Variants in KIF6 observed in about 807,000 individuals in gnomAD.
KIF6 encodes the protein kinesin family member 6.
KIF6 carries 106 observed loss-of-function variants against 112.7 expected under a neutral mutation model. That is an observed-to-expected ratio of 0.94 (90% CI 0.80 to 1.11). The LOEUF (loss-of-function observed/expected upper bound fraction) is 1.11. Ranked by LOEUF, KIF6 falls within the 50% of genes least tolerant of loss-of-function variation. The pLI, the probability that KIF6 is intolerant of heterozygous loss-of-function variation, is 0.00. For missense variants in KIF6, 929 were observed against 964.0 expected (o/e 0.96, Z 0.48); for synonymous variants, 339 against 339.9 (o/e 1.00, Z 0.03).
chr6:39,362,645 G>T, intron 16 of KIF6, 127 bp from the exon 17 acceptor site: 5 of 725,362 alleles, frequency 6.9e-6, no homozygotes, highest in South Asian at 1.6e-5. Context: ...TCCTTCTGGG[G>T]CCTCTTGGTG....
chr6:39,527,911 G>A (rs566293065), intron 13 of KIF6, among the ~76,000 whole-genome samples: 5 of 152,294 alleles, frequency 3.3e-5, no homozygotes, highest in African/African-American at 1.2e-4. Context: ...TGAATTCAAT[G>A]TGGAATAATT....
At chr6:39,578,928 CATTA>C (rs1781133714) in intron 9 of KIF6, among the ~76,000 whole-genome samples, 1 of 152,196 alleles carries the variant, frequency 6.6e-6, no homozygotes, top group South Asian at 2.1e-4. Context: ...GGCTCTAGTT[CATTA>C]ATTTTCATGG....
At position 39,336,469 on chromosome 6, in the gene KIF6, C is replaced by T. The variant is rs368284457; in HGVS notation, c.*63G>A. The T allele has an allele frequency of 1.4e-4, 215 of 1,521,348 alleles. 1 individual carries two copies. Among genetic ancestry groups the T allele is most frequent in the African/African-American group, 2.2e-4 (16 of 73,120 alleles). The allele number at this position is 1,521,348 out of a possible 1,614,324, so 94.2% of individuals were successfully genotyped here. On this transcript the variant is annotated 3_prime_UTR_variant, in exon 23 of 23. Coordinates refer to ENST00000287152, the MANE Select transcript of KIF6 (RefSeq NM_145027.6). ...TTCTGAAGCCAGAGCAAGTGAGGGG[C>T]GCTGCCTTCATCTGTGCTTCATTCT...
At chr6:39,399,011 C>A (rs1322158414) in intron 15 of KIF6, among the ~76,000 whole-genome samples, 1 of 152,170 alleles carries the variant, frequency 6.6e-6, no homozygotes, top group Admixed American at 6.6e-5. Flanking sequence ...TGAAGTCCTC[C>A]AGAGCAGAAT....
At chr6:39,382,292 G>C (rs1231234528) in intron 16 of KIF6, among the ~76,000 whole-genome samples, 3 of 152,132 alleles carry the variant, frequency 2.0e-5, no homozygotes, top group Non-Finnish European at 4.4e-5. Flanking sequence ...TAACCAATAG[G>C]AAGTTTCTCA....
chr6:39,648,403 G>A (rs1020917385), intron 3 of KIF6, among the ~76,000 whole-genome samples: 3 of 152,102 alleles, frequency 2.0e-5, no homozygotes, highest in African/African-American at 7.2e-5. Flanking sequence ...AGTTATGTGA[G>A]ACAAGAAATC....
chr6:39,687,026 A>G (rs1485516522), intron 3 of KIF6, among the ~76,000 whole-genome samples: 1 of 152,216 alleles, frequency 6.6e-6, no homozygotes, highest in Non-Finnish European at 1.5e-5. Context: ...CAGCTGCCAA[A>G]TAAGTCATCT....
At chr6:39,534,110 G>T (rs901188650) in intron 13 of KIF6, among the ~76,000 whole-genome samples, 2 of 152,092 alleles carry the variant, frequency 1.3e-5, no homozygotes, top group African/African-American at 4.8e-5. Flanking sequence ...CAAAGATGGG[G>T]AAAAAACAGA....
At position 39,343,616 on chromosome 6, in the gene KIF6, A is replaced by C. The variant is rs1450518766; in HGVS notation, c.2428+93T>G. The C allele has an allele frequency of 5.9e-6, 7 of 1,176,876 alleles. No homozygotes were observed. The highest frequency in any genetic ancestry group is 4.7e-5 in the Admixed American group (2 of 42,530). 72.9% of individuals were successfully genotyped at this position (1,176,876 alleles called of 1,614,324 possible). Reference sequence around the variant, plus strand: ...TCCTGTGGCTTCAGGAATATGCAGGAAACTCCCTACTCCCCTCCCACCTCA... The same window carrying C: ...TCCTGTGGCTTCAGGAATATGCAGGCAACTCCCTACTCCCCTCCCACCTCA... On this transcript the variant is annotated intron_variant, in intron 22 of 22. Transcript: ENST00000287152. The surrounding 1 kb of genome is among the most constrained non-coding windows in gnomAD (Gnocchi z 4.1).
chr6:39,461,940 TAGAG>T (rs1422302900), intron 13 of KIF6, among the ~76,000 whole-genome samples: 1 of 152,170 alleles, frequency 6.6e-6, no homozygotes, highest in Non-Finnish European at 1.5e-5. Context: ...TTGTATGTAA[TAGAG>T]ACTTTTTATT....
At chr6:39,595,080 G>T (rs1001103569) in intron 7 of KIF6, among the ~76,000 whole-genome samples, 1 of 152,104 alleles carries the variant, frequency 6.6e-6, no homozygotes, top group East Asian at 1.9e-4. Flanking sequence ...ATTGTAATCA[G>T]CCTGGGGTAG....
At chr6:39,653,953 C>T (rs1400345198) in intron 3 of KIF6, among the ~76,000 whole-genome samples, 1 of 152,196 alleles carries the variant, frequency 6.6e-6, no homozygotes, top group African/African-American at 2.4e-5. Flanking sequence ...AAAGCAGTTT[C>T]CCGTGTCCTT....
At chr6:39,475,208 G>A (rs1413393078) in intron 13 of KIF6, among the ~76,000 whole-genome samples, 1 of 152,140 alleles carries the variant, frequency 6.6e-6, no homozygotes, top group Non-Finnish European at 1.5e-5. Flanking sequence ...GGGAGTGGGT[G>A]GAGATGGAAA....
chr6:39,567,611 C>CTTTT lies in KIF6; in HGVS notation c.1181+10441_1181+10444dup, dbSNP rs138061257. On this transcript the variant is annotated intron_variant, in intron 10 of 22. Transcript: ENST00000287152. ...CAAATCAATGACACAGAAGTGATTT[C>CTTTT]TTTTTTTTTTTTTTGAGACGGAGTC... Among the ~76,000 whole-genome samples, 3 of 145,014 alleles carry CTTTT rather than the reference C, an allele frequency of 2.1e-5. 1 individual carries two copies. Among genetic ancestry groups the CTTTT allele is most frequent in the Non-Finnish European group, 3.0e-5 (2 of 65,954 alleles).
At chr6:39,448,383 C>T (rs1421762187) in intron 13 of KIF6, among the ~76,000 whole-genome samples, 2 of 152,074 alleles carry the variant, frequency 1.3e-5, no homozygotes, top group Admixed American at 6.5e-5. Flanking sequence ...CGATGTTGGC[C>T]AGGCTGGTCT....
At chr6:39,389,556 CTCTT>C (rs1051803037) in intron 15 of KIF6, among the ~76,000 whole-genome samples, 1 of 152,154 alleles carries the variant, frequency 6.6e-6, no homozygotes, top group Non-Finnish European at 1.5e-5. Context: ...GGCCCGTGTG[CTCTT>C]TCTTTTAAGT....
intron 15 of KIF6, among the ~76,000 whole-genome samples, chr6:39,407,023 T>C (rs1454745329): frequency 1.3e-5 from 2 of 152,196 alleles, no homozygotes; most frequent in African/African-American, 4.8e-5. Context: ...TCCAAAGCAC[T>C]AGGATTACAG....
intron 9 of KIF6, among the ~76,000 whole-genome samples, chr6:39,583,671 C>CTTT (rs1437394749): frequency 1.9e-5 from 1 of 53,286 alleles, no homozygotes; most frequent in Non-Finnish European, 4.1e-5. Context: ...TAGGATTTCA[C>CTTT]TTCTTTTTTT....
chr6:39,444,254 T>A (rs1371618288), intron 13 of KIF6, among the ~76,000 whole-genome samples: 2 of 152,194 alleles, frequency 1.3e-5, no homozygotes, highest in Non-Finnish European at 2.9e-5. Context: ...TTTTTCTTTT[T>A]TTGGAAATGG....
Sources: allele counts gnomAD v4.1 joint callset (sites outside exome capture counted in the v4.1 genomes callset), GRCh38; gene constraint gnomAD v4.1.1; non-coding constraint Gnocchi (gnomAD v3.1); transcripts MANE v1.5; gene names NCBI Gene and HGNC (gene_info 2026-07-23, HGNC 2026-07-21).